ABHD12: variants seen among roughly 807,000 people sequenced by gnomAD.
The protein encoded by ABHD12 is abhydrolase domain containing 12, lysophospholipase, also known as lysophosphatidylserine lipase ABHD12.
In ABHD12, 43 loss-of-function variants were observed where a neutral mutation model predicts 58.3. That is an observed-to-expected ratio of 0.74 (90% CI 0.58 to 0.95). The LOEUF is 0.95. ABHD12 is among the 40% of genes least tolerant of loss of function. The probability of loss-of-function intolerance (pLI) is 0.00; values close to 1 mark genes in which losing one functional copy is unlikely to be tolerated. For synonymous variants in ABHD12, 219 were observed against 211.2 expected (o/e 1.04, Z -0.32); for missense variants, 539 against 537.2 (o/e 1.00, Z -0.03).
At chr20:25,384,665 A>C (rs1346259001) in intron 1 of ABHD12, among the ~76,000 whole-genome samples, 8 of 152,054 alleles carry the variant, frequency 5.3e-5, no homozygotes, top group Admixed American at 5.2e-4. Context: ...AGACCATTTG[A>C]CCCTGAGAGG....
At chr20:25,313,608 TAAAATAA>T (rs1437161317) in intron 6 of ABHD12, among the ~76,000 whole-genome samples, 1 of 150,750 alleles carries the variant, frequency 6.6e-6, no homozygotes, top group African/African-American at 2.4e-5. Flanking sequence ...TAAAATAAAA[TAAAATAA>T]AATAAAATAA....
intron 1 of ABHD12, among the ~76,000 whole-genome samples, chr20:25,382,595 C>A (rs1192525082): frequency 2.0e-5 from 3 of 152,104 alleles, no homozygotes; most frequent in Admixed American, 2.0e-4. Context: ...GAAATGAGGT[C>A]CTGTCTCCAT....
intron 1 of ABHD12, among the ~76,000 whole-genome samples, chr20:25,369,860 G>A (rs973840586): frequency 6.9e-6 from 1 of 144,806 alleles, no homozygotes; most frequent in South Asian, 2.2e-4. Context: ...CGAGAGGATT[G>A]CATAAGGCCA....
Position 25,300,421 on chromosome 20 carries a change from GC to G in ABHD12, c.*423del. On this transcript the variant is annotated 3_prime_UTR_variant, in exon 13 of 13. Coordinates refer to ENST00000339157, the MANE Select transcript of ABHD12 (RefSeq NM_001042472.3). ...GAACCACTGGAGTCATTCTGCATGT[GC>G]TGGGAAGGTGCAGAAAGAACCTGGA... 1 of 1,157,104 alleles carries G rather than the reference GC, an allele frequency of 8.6e-7. No homozygotes were observed. The highest frequency in any genetic ancestry group is 1.1e-6 in the Non-Finnish European group (1 of 927,074). 71.7% of individuals were successfully genotyped at this position (1,157,104 alleles called of 1,614,324 possible). A position where few individuals can be genotyped will look rare whatever the true frequency, so the allele number is the denominator to read the frequency against.
intron 11 of ABHD12, among the ~76,000 whole-genome samples, chr20:25,303,024 GC>G (rs995684027): frequency 1.3e-5 from 2 of 152,176 alleles, no homozygotes; most frequent in Admixed American, 1.3e-4. Flanking sequence ...AGCAAATTCA[GC>G]AAAAGCAAAC....
chr20:25,348,637 A>G (rs2089553728), intron 1 of ABHD12, among the ~76,000 whole-genome samples: 1 of 152,010 alleles, frequency 6.6e-6, no homozygotes, highest in Non-Finnish European at 1.5e-5. Context: ...ATCTCAATAA[A>G]TAAGCAAGTA....
downstream of ABHD12, chr20:25,300,182 T>C (rs768786492): frequency 2.2e-4 from 216 of 991,936 alleles, no homozygotes; most frequent in South Asian, 5.0e-4. Context: ...GGAGGCAACA[T>C]TGACCCTTCT....
intron 1 of ABHD12, among the ~76,000 whole-genome samples, chr20:25,386,836 G>C (rs1047594166): frequency 6.6e-6 from 1 of 151,948 alleles, no homozygotes; most frequent in Non-Finnish European, 1.5e-5. Flanking sequence ...ACCCGAGATC[G>C]TGCCACTGCA....
At chr20:25,301,181 T>C (rs184275519) in intron 12 of ABHD12, among the ~76,000 whole-genome samples, 32 of 152,308 alleles carry the variant, frequency 2.1e-4, no homozygotes, top group African/African-American at 6.7e-4. Context: ...CCTTTTATAA[T>C]GGGGAAAATT....
At chr20:25,337,095 C>G (rs963130914) in intron 2 of ABHD12, among the ~76,000 whole-genome samples, 2 of 152,268 alleles carry the variant, frequency 1.3e-5, no homozygotes, top group South Asian at 4.1e-4. Context: ...AACCCCATCT[C>G]TACTAAAAAT....
At chr20:25,303,310 A>G (rs2088672004) in intron 11 of ABHD12, 2 of 1,400,258 alleles carry the variant, frequency 1.4e-6, no homozygotes, top group Non-Finnish European at 1.9e-6. Flanking sequence ...ATATTCTTGG[A>G]GACAGCATCA....
chr20:25,358,472 G>T (rs143527169), intron 1 of ABHD12, among the ~76,000 whole-genome samples: 1 of 152,324 alleles, frequency 6.6e-6, no homozygotes, highest in Non-Finnish European at 1.5e-5. Context: ...CAACAGTGAA[G>T]TTTGTGAAGG....
intron 1 of ABHD12, among the ~76,000 whole-genome samples, chr20:25,367,122 TC>T (rs1428252794): frequency 3.3e-5 from 5 of 152,260 alleles, no homozygotes; most frequent in African/African-American, 1.2e-4. Context: ...ATTTGTCTTC[TC>T]TTCCTTTATA....
At chr20:25,368,757 G>C in intron 1 of ABHD12, 1 of 962,344 alleles carries the variant, frequency 1.0e-6, no homozygotes, top group Non-Finnish European at 1.7e-6. Context: ...AGAACAGTGG[G>C]GTTGACCATG....
chr20:25,322,803 A>T (rs2089104973), intron 3 of ABHD12, among the ~76,000 whole-genome samples: 1 of 151,886 alleles, frequency 6.6e-6, no homozygotes, highest in Non-Finnish European at 1.5e-5. Flanking sequence ...GCTCACTGCA[A>T]CTTCTGCCTC....
chr20:25,383,621 C>A (rs913966662), intron 1 of ABHD12, among the ~76,000 whole-genome samples: 1 of 152,010 alleles, frequency 6.6e-6, no homozygotes, highest in Non-Finnish European at 1.5e-5. Flanking sequence ...GAGTTCAAGA[C>A]CAGCCTGGCC....
chr20:25,299,967 C>A (rs768715944), downstream of ABHD12, among the ~76,000 whole-genome samples: 2 of 152,106 alleles, frequency 1.3e-5, no homozygotes, highest in African/African-American at 2.4e-5. Context: ...AGTGTAACCG[C>A]GAGGACCTCT....
chr20:25,321,621 T>C lies in ABHD12; in HGVS notation c.423-1303A>G, dbSNP rs146395742. ...CCACTGACATCACTAAACAAAACCTTTTCTGGTAGCTGATAATGTATGCAG... is the reference window on the plus strand; with the variant it reads ...CCACTGACATCACTAAACAAAACCTCTTCTGGTAGCTGATAATGTATGCAG... On this transcript the variant is annotated intron_variant, in intron 3 of 12. Transcript: ENST00000339157. Among the ~76,000 whole-genome samples the C allele has an allele frequency of 4.3e-3, 652 of 152,354 alleles. 2 individuals carry two copies. The highest frequency in any genetic ancestry group is 0.01 in the Middle Eastern group (3 of 294).
chr20:25,322,575 G>C (rs1427980521), intron 3 of ABHD12, among the ~76,000 whole-genome samples: 1 of 150,564 alleles, frequency 6.6e-6, no homozygotes, highest in African/African-American at 2.4e-5. Flanking sequence ...AGTAGAGACG[G>C]GGTTTCACCA....
Sources: gnomAD v4.1 joint callset for allele counts (sites outside exome capture counted in the v4.1 genomes callset) on GRCh38, gnomAD v4.1.1 for gene constraint, MANE v1.5 for transcripts, NCBI Gene and HGNC (gene_info 2026-07-23, HGNC 2026-07-21) for gene names.